FHIT: variants seen among roughly 807,000 people sequenced by gnomAD.
FHIT encodes the protein fragile histidine triad diadenosine triphosphatase, also known as bis(5'-adenosyl)-triphosphatase.
In FHIT, 19 loss-of-function variants were observed where a neutral mutation model predicts 17.9. The ratio of observed to expected loss-of-function variants is 1.06; its 90% CI spans 0.74 to 1.56. The LOEUF is 1.56. FHIT is among the 40% of genes most tolerant of loss of function. FHIT has a pLI of 0.00. For missense variants in FHIT, 248 were observed against 189.2 expected (o/e 1.31, Z -1.82); for synonymous variants, 81 against 69.7 (o/e 1.16, Z -0.81).
At chr3:60,594,779 C>G (rs1296441428) in intron 4 of FHIT, among the ~76,000 whole-genome samples, 2 of 152,106 alleles carry the variant, frequency 1.3e-5, no homozygotes, top group Non-Finnish European at 2.9e-5. Flanking sequence ...ATATCTGGTT[C>G]TCCCTGGGGG....
intron 3 of FHIT, among the ~76,000 whole-genome samples, chr3:60,888,771 T>C (rs1365278649): frequency 2.0e-5 from 3 of 152,210 alleles, no homozygotes; most frequent in Non-Finnish European, 4.4e-5. Flanking sequence ...TTCTGTAACA[T>C]GTATTTATTT....
chr3:59,881,049 T>C (rs1703389533), intron 8 of FHIT, among the ~76,000 whole-genome samples: 1 of 152,218 alleles, frequency 6.6e-6, no homozygotes, highest in African/African-American at 2.4e-5. Flanking sequence ...AATGGATGTA[T>C]TCCCTAAAGC....
At chr3:60,545,773 G>C (rs2036340214) in intron 4 of FHIT, among the ~76,000 whole-genome samples, 2 of 152,180 alleles carry the variant, frequency 1.3e-5, no homozygotes, top group African/African-American at 4.8e-5. Flanking sequence ...TGAAGCTTGT[G>C]TCTAATCCAC....
At chr3:60,783,700 G>T (rs1208602110) in intron 4 of FHIT, among the ~76,000 whole-genome samples, 1 of 152,136 alleles carries the variant, frequency 6.6e-6, no homozygotes, top group Non-Finnish European at 1.5e-5. Flanking sequence ...GGGACTAATG[G>T]TTTTAAAATA....
At chr3:60,027,700 C>T (rs1418358175) in intron 5 of FHIT, among the ~76,000 whole-genome samples, 1 of 146,728 alleles carries the variant, frequency 6.8e-6, no homozygotes, top group Non-Finnish European at 1.5e-5. Context: ...CTCAGAATCT[C>T]TTCTGGTTCC....
chr3:60,356,847 T>C (rs1699689354), intron 5 of FHIT, among the ~76,000 whole-genome samples: 1 of 150,688 alleles, frequency 6.6e-6, no homozygotes, highest in African/African-American at 2.4e-5. Context: ...ATACTTCTCT[T>C]AGGTCTTCTG....
At chr3:59,793,367 G>A (rs916555801) in intron 8 of FHIT, among the ~76,000 whole-genome samples, 12 of 82,942 alleles carry the variant, frequency 1.4e-4, no homozygotes, top group African/African-American at 3.8e-4. Context: ...AGTGTAGATC[G>A]TCTTCTCAAG....
intron 3 of FHIT, among the ~76,000 whole-genome samples, chr3:60,979,011 T>G (rs1710379346): frequency 6.6e-6 from 1 of 152,238 alleles, no homozygotes; most frequent in African/African-American, 2.4e-5. Context: ...GATTGGGTTT[T>G]TGAAAATATT....
intron 3 of FHIT, among the ~76,000 whole-genome samples, chr3:60,898,779 C>T (rs553402149): frequency 6.6e-6 from 1 of 152,082 alleles, no homozygotes. Flanking sequence ...TTCAGGAGCC[C>T]GAGTTTGGTT....
At chr3:60,423,915 T>C (rs1702567041) in intron 5 of FHIT, among the ~76,000 whole-genome samples, 1 of 152,154 alleles carries the variant, frequency 6.6e-6, no homozygotes, top group Non-Finnish European at 1.5e-5. Context: ...TCTTCATTCT[T>C]TCCCAAAAGT....
chr3:60,622,349 TG>T (rs1363819201), intron 4 of FHIT, among the ~76,000 whole-genome samples: 1 of 151,838 alleles, frequency 6.6e-6, no homozygotes, highest in African/African-American at 2.4e-5. Context: ...GTGGATTTTT[TG>T]AAACGTACAA....
At chr3:60,524,945 A>T (rs1220451860) in intron 5 of FHIT, among the ~76,000 whole-genome samples, 3 of 152,184 alleles carry the variant, frequency 2.0e-5, no homozygotes, top group Non-Finnish European at 2.9e-5. Context: ...CTTTTGAGGG[A>T]TCCCCATTCA....
Position 60,130,998 on chromosome 3 carries a change from T to C in FHIT, c.104-116846A>G, listed in dbSNP as rs552586024. On this transcript the variant is annotated intron_variant, in intron 5 of 9. Transcript: ENST00000492590. ...ATATATATACACATATATACACATA[T>C]ATACATATGTGTATATATACACATA... Among the ~76,000 whole-genome samples, 417 of 95,020 alleles carry C rather than the reference T, an allele frequency of 4.4e-3. 4 individuals are homozygous for C. The highest frequency in any genetic ancestry group is 0.015 in the African/African-American group (358 of 23,654). The allele number at this position is 95,020 out of a possible 152,430, so 62.3% of individuals were successfully genotyped here. A position where few individuals can be genotyped will look rare whatever the true frequency, so the allele number is the denominator to read the frequency against.
intron 5 of FHIT, among the ~76,000 whole-genome samples, chr3:60,036,976 G>C (rs1701243318): frequency 6.6e-6 from 1 of 152,178 alleles, no homozygotes; most frequent in Non-Finnish European, 1.5e-5. Flanking sequence ...ATTGCCTCTA[G>C]TGAAAGGAGA....
At chr3:61,209,337 G>C (rs1160075968) in intron 1 of FHIT, among the ~76,000 whole-genome samples, 1 of 152,108 alleles carries the variant, frequency 6.6e-6, no homozygotes, top group Non-Finnish European at 1.5e-5. Flanking sequence ...GGCATTCTCT[G>C]TATTTCCTAA....
intron 5 of FHIT, among the ~76,000 whole-genome samples, chr3:60,277,000 T>C (rs1707174221): frequency 1.3e-5 from 2 of 151,978 alleles, no homozygotes; most frequent in African/African-American, 4.8e-5. Context: ...CATTTCAACA[T>C]GAGATTTGGA....
intron 5 of FHIT, among the ~76,000 whole-genome samples, chr3:60,309,997 T>A (rs938503730): frequency 1.3e-5 from 2 of 152,110 alleles, no homozygotes; most frequent in Non-Finnish European, 2.9e-5. Flanking sequence ...CAAGGACACG[T>A]CTTCACAGGG....
At chr3:61,150,569 T>C (rs897800839) in intron 2 of FHIT, among the ~76,000 whole-genome samples, 3 of 152,160 alleles carry the variant, frequency 2.0e-5, no homozygotes, top group African/African-American at 7.2e-5. Flanking sequence ...CTCATAACTT[T>C]CAAATGTTCC....
At chr3:60,139,302 G>T (rs1178494310) in intron 5 of FHIT, among the ~76,000 whole-genome samples, 1 of 152,076 alleles carries the variant, frequency 6.6e-6, no homozygotes, top group Non-Finnish European at 1.5e-5. Flanking sequence ...CTAATTAAAG[G>T]GAGTGAGAAC....
Sources: allele counts gnomAD v4.1 joint callset (sites outside exome capture counted in the v4.1 genomes callset), GRCh38; gene constraint gnomAD v4.1.1; transcripts MANE v1.5; gene names NCBI Gene and HGNC (gene_info 2026-07-23, HGNC 2026-07-21).